The following GBF1 variants were observed in gnomAD, a reference collection of about 807,000 sequenced individuals.
GBF1 encodes the protein golgi brefeldin A resistant guanine nucleotide exchange factor 1.
A neutral mutation model predicts 210.5 loss-of-function variants in GBF1; 114 were observed. The observed-to-expected ratio is 0.54, with a 90% confidence interval of 0.47 to 0.63. The LOEUF (loss-of-function observed/expected upper bound fraction) is 0.63. GBF1 is among the 30% of genes least tolerant of loss of function. The probability of loss-of-function intolerance (pLI) is 0.00; values close to 1 mark genes in which losing one functional copy is unlikely to be tolerated. For synonymous variants in GBF1, 850 were observed against 889.2 expected (o/e 0.96, Z 0.78); for missense variants, 1,851 against 2,357.7 (o/e 0.79, Z 4.45).
chr10:102,365,806 G>A (rs2059883421), intron 18 of GBF1, among the ~76,000 whole-genome samples: 1 of 152,198 alleles, frequency 6.6e-6, no homozygotes, highest in Non-Finnish European at 1.5e-5. Context: ...AGCTGTTCAG[G>A]AGGCTGAGGC....
At chr10:102,347,754 G>A (rs2058674322) in intron 4 of GBF1, among the ~76,000 whole-genome samples, 1 of 152,164 alleles carries the variant, frequency 6.6e-6, no homozygotes, top group African/African-American at 2.4e-5. Flanking sequence ...GAAAACTCCT[G>A]TCTCTTGCTC....
chr10:102,243,919 C>T (rs1056077041), upstream of GBF1, among the ~76,000 whole-genome samples: 11 of 152,146 alleles, frequency 7.2e-5, no homozygotes, highest in Admixed American at 5.9e-4. Flanking sequence ...CACCTGAGGT[C>T]AGGAGTTCGA....
At chr10:102,319,097 C>CACGA (rs1266664628) in intron 3 of GBF1, among the ~76,000 whole-genome samples, 3 of 152,160 alleles carry the variant, frequency 2.0e-5, no homozygotes, top group Admixed American at 6.5e-5. Context: ...GCAGATGGAT[C>CACGA]ACGAGGTCAG....
At chr10:102,245,178 C>A (rs572727883), upstream of GBF1, among the ~76,000 whole-genome samples, 1 of 152,262 alleles carries the variant, frequency 6.6e-6, no homozygotes, top group African/African-American at 2.4e-5. Context: ...GCGGACCCCG[C>A]CCCTTTCCAG....
chr10:102,267,512 C>CAAT (rs2073982498), intron 3 of GBF1, among the ~76,000 whole-genome samples: 1 of 151,890 alleles, frequency 6.6e-6, no homozygotes, highest in Non-Finnish European at 1.5e-5. Context: ...TCAACAACAA[C>CAAT]AACAACAACA....
chr10:102,317,220 C>G (rs900487101), intron 3 of GBF1, among the ~76,000 whole-genome samples: 14 of 152,014 alleles, frequency 9.2e-5, no homozygotes, highest in Admixed American at 9.2e-4. Context: ...TCGCTTAGCC[C>G]AGAAGTCCAA....
intron 4 of GBF1, among the ~76,000 whole-genome samples, chr10:102,345,618 G>A (rs2058500189): frequency 8.3e-6 from 1 of 119,974 alleles, no homozygotes; most frequent in Admixed American, 1.1e-4. Flanking sequence ...TTGCACTCCA[G>A]CCTGGGTGAC....
At chr10:102,237,230 T>G in the GBF1 span, among the ~76,000 whole-genome samples, 1 of 152,078 alleles carries the variant, frequency 6.6e-6, no homozygotes, top group Non-Finnish European at 1.5e-5. Flanking sequence ...ACTCCCAGAC[T>G]GTGGGAGATC....
At position 102,358,438 on chromosome 10, in the gene GBF1, C is replaced by T. The variant is rs113186668; in HGVS notation, c.788-68C>T. 4.7e-4 allele frequency: 516 copies of T among 1,092,670 alleles called. 3 individuals are homozygous for T. In the African/African-American group the frequency reaches 7.0e-3, roughly 15 times the overall value. The allele number at this position is 1,092,670 out of a possible 1,614,324, so 67.7% of individuals were successfully genotyped here. A position where few individuals can be genotyped will look rare whatever the true frequency, so the allele number is the denominator to read the frequency against. On this transcript the variant is annotated intron_variant, in intron 9 of 39. Coordinates refer to ENST00000369983, the MANE Select transcript of GBF1 (RefSeq NM_001377137.1). ...AATCTGGGAAACAGAGACCCTAGTACCATAGAGGGTTTGTTTTGCCCACAG... is the reference window on the plus strand; with the variant it reads ...AATCTGGGAAACAGAGACCCTAGTATCATAGAGGGTTTGTTTTGCCCACAG...
chr10:102,284,513 A>G (rs1254659396), intron 3 of GBF1, among the ~76,000 whole-genome samples: 2 of 152,314 alleles, frequency 1.3e-5, no homozygotes, highest in African/African-American at 4.8e-5. Flanking sequence ...GGAATCATAT[A>G]ATATGTGTCC....
rs185952155 is a variant in GBF1 at position 102,271,701 on chromosome 10, T to C, written c.163+11585T>C. 3.4e-4 allele frequency among the ~76,000 whole-genome samples: 51 copies of C among 152,196 alleles called. 1 individual carries two copies. The highest frequency in any genetic ancestry group is 6.6e-4 in the Non-Finnish European group (45 of 68,010). On this transcript the variant is annotated intron_variant, in intron 3 of 39. Transcript: ENST00000369983. ...TCAGGTTAAATATTTTTGGCAAGAG[T>C]ATTTTATAGATGATACTATGTAATT...
intron 1 of GBF1, among the ~76,000 whole-genome samples, chr10:102,256,233 A>AC (rs2072350392): frequency 1.3e-5 from 2 of 152,258 alleles, no homozygotes; most frequent in African/African-American, 4.8e-5. Flanking sequence ...GGTGTGAGCC[A>AC]CTGCGCATGG....
rs761196373 is a variant in GBF1, at chr10:102,346,608, G to A, written c.295+2426G>A. Among the ~76,000 whole-genome samples, 16 of 152,240 alleles carry A rather than the reference G, an allele frequency of 1.1e-4. No individual in the cohort carries two copies. The South Asian group carries it at 1.2e-3, about 12-fold the overall frequency. ...ACTGCAGCCTTGACCTTCGGGCTCAGGTGATCCTCCCACCTCCGCCTCCCA... is the reference window on the plus strand; with the variant it reads ...ACTGCAGCCTTGACCTTCGGGCTCAAGTGATCCTCCCACCTCCGCCTCCCA... On this transcript the variant is annotated intron_variant, in intron 4 of 39. Coordinates refer to ENST00000369983, the MANE Select transcript of GBF1 (RefSeq NM_001377137.1).
chr10:102,264,528 A>T (rs1011331212), intron 3 of GBF1, among the ~76,000 whole-genome samples: 2 of 152,058 alleles, frequency 1.3e-5, no homozygotes, highest in Non-Finnish European at 2.9e-5. Context: ...GTCTTGTCCC[A>T]TCTTCCCTCT....
intron 3 of GBF1, among the ~76,000 whole-genome samples, chr10:102,340,564 C>T (rs932004807): frequency 6.6e-6 from 1 of 151,934 alleles, no homozygotes; most frequent in South Asian, 2.1e-4. Context: ...TGAGCCACCA[C>T]GCCTGGCCGT....
intron 3 of GBF1, among the ~76,000 whole-genome samples, chr10:102,301,764 G>A (rs1235470064): frequency 2.7e-5 from 4 of 150,794 alleles, no homozygotes; most frequent in South Asian, 2.1e-4. Context: ...GGGAAGAGGC[G>A]CTCCTCACTT....
rs963312756 is a variant in GBF1 at position 102,382,158 on chromosome 10, C to T, written c.5405C>T (p.Pro1802Leu). The T allele has an allele frequency of 6.2e-7, 1 of 1,613,446 alleles. No individual in the cohort carries two copies. The highest frequency in any genetic ancestry group is 1.3e-5 in the African/African-American group (1 of 75,050). ...CTGAGCCCCACCCCCGACGGGCCTCCACCCTTGGCTCAGCCCCCACTGATC... is the reference window on the plus strand; with the variant it reads ...CTGAGCCCCACCCCCGACGGGCCTCTACCCTTGGCTCAGCCCCCACTGATC... ...SRLSPTPDGP[P>L]PLAQPPLILQ... The change falls in exon 40 of 40, where the codon CCA (proline) becomes CTA (leucine). Residue 1802 changes from proline (P) to leucine (L), a missense_variant. Coordinates refer to ENST00000369983, the MANE Select transcript of GBF1 (RefSeq NM_001377137.1).
chr10:102,365,449 A>G lies in GBF1; in HGVS notation c.2159A>G (p.Gln720Arg), dbSNP rs1295219942. ...AATCAGAAACCAAAGAAGGGGATTC[A>G]GTTTCTGCAAGAGAAAGGCCTCCTC... ...QFNQKPKKGI[Q>R]FLQEKGLLTI... Residue 720 changes from glutamine to arginine, a missense_variant, in exon 18 of 40, where the codon CAG (glutamine) becomes CGG (arginine). Transcript: ENST00000369983. 1.9e-6 allele frequency: 3 copies of G among 1,613,962 alleles called. No individual in the cohort carries two copies. In the African/African-American group the frequency reaches 4.0e-5, roughly 22 times the overall value.
At chr10:102,346,800 C>T (rs1452552827) in intron 4 of GBF1, among the ~76,000 whole-genome samples, 1 of 152,228 alleles carries the variant, frequency 6.6e-6, no homozygotes, top group African/African-American at 2.4e-5. Context: ...AGCCATTGCA[C>T]TCAGCCTTTT....
Sources: gnomAD v4.1 joint callset for allele counts (sites outside exome capture counted in the v4.1 genomes callset) on GRCh38, gnomAD v4.1.1 for gene constraint, MANE v1.5 for transcripts, NCBI Gene and HGNC (gene_info 2026-07-23, HGNC 2026-07-21) for gene names.